SDK2: variants seen among roughly 807,000 people sequenced by gnomAD.
The protein encoded by SDK2 is protein sidekick-2.
A neutral mutation model predicts 253.9 loss-of-function variants in SDK2; 105 were observed. That is an observed-to-expected ratio of 0.41 (90% CI 0.35 to 0.49). SDK2 has a LOEUF of 0.49. SDK2 is among the 20% of genes least tolerant of loss of function. The probability of loss-of-function intolerance (pLI) is 0.06; values close to 1 mark genes in which losing one functional copy is unlikely to be tolerated. For missense variants in SDK2, 2,608 were observed against 3,003.0 expected (o/e 0.87, Z 3.07); for synonymous variants, 1,249 against 1,234.9 (o/e 1.01, Z -0.24).
In SDK2 at chr17:73,525,616, C is replaced by T. The variant is rs573602259; in HGVS notation, c.65-18019G>A. 2.2e-4 allele frequency among the ~76,000 whole-genome samples: 34 copies of T among 152,262 alleles called. 1 individual carries two copies. The highest frequency in any genetic ancestry group is 7.7e-4 in the African/African-American group (32 of 41,558). Reference sequence around the variant, plus strand: ...GGTGGCTCTCCTCACTGCACCACCACCTCCTCTGCCTCTTCTCAGATCAAT... The same window carrying T: ...GGTGGCTCTCCTCACTGCACCACCATCTCCTCTGCCTCTTCTCAGATCAAT... On this transcript the variant is annotated intron_variant, in intron 1 of 44. Transcript: ENST00000392650.
intron 12 of SDK2, among the ~76,000 whole-genome samples, chr17:73,426,255 C>G (rs372305277): frequency 1.2e-5 from 1 of 81,678 alleles, no homozygotes; most frequent in Non-Finnish European, 2.4e-5. Context: ...TTAGTAGAGA[C>G]GGGGCTTTGC....
At chr17:73,478,034 C>T (rs1471809708) in intron 2 of SDK2, among the ~76,000 whole-genome samples, 1 of 152,134 alleles carries the variant, frequency 6.6e-6, no homozygotes, top group African/African-American at 2.4e-5. Context: ...AGAAAAAGTA[C>T]ACAGCAAAAC....
At chr17:73,585,281 T>C (rs978828496) in intron 1 of SDK2, among the ~76,000 whole-genome samples, 4 of 152,174 alleles carry the variant, frequency 2.6e-5, no homozygotes, top group Non-Finnish European at 5.9e-5. Context: ...CTTCTCGTAG[T>C]GGGTGGCAGA....
intron 1 of SDK2, among the ~76,000 whole-genome samples, chr17:73,526,765 T>C (rs985947293): frequency 1.3e-5 from 2 of 152,228 alleles, no homozygotes; most frequent in South Asian, 2.1e-4. Flanking sequence ...AACCCACTTA[T>C]GTCTCCATCT....
At position 73,447,940 on chromosome 17, in the gene SDK2, A is replaced by G. The variant is rs2063465631; in HGVS notation, c.480-192T>C. ...CCACGTTTAGTTTGCAGAGAATGCTAAACACGGTGCTGATGCTGTCAACCA... is the reference window on the plus strand; with the variant it reads ...CCACGTTTAGTTTGCAGAGAATGCTGAACACGGTGCTGATGCTGTCAACCA... On this transcript the variant is annotated intron_variant, in intron 4 of 44. Transcript: ENST00000392650. This position sits in a 1 kb window ranked among gnomAD's most constrained non-coding sequence, Gnocchi z 4.0. Among the ~76,000 whole-genome samples, 1 of 152,006 alleles carries G rather than the reference A, an allele frequency of 6.6e-6. No homozygotes were observed. Among genetic ancestry groups the G allele is most frequent in the Non-Finnish European group, 1.5e-5 (1 of 67,986 alleles).
chr17:73,366,893 C>T (rs993680890), intron 37 of SDK2, among the ~76,000 whole-genome samples: 1 of 152,200 alleles, frequency 6.6e-6, no homozygotes, highest in African/African-American at 2.4e-5. Context: ...CTACTCTCTC[C>T]CCTCCACCAG....
chr17:73,553,143 A>G (rs1342219207), intron 1 of SDK2, among the ~76,000 whole-genome samples: 1 of 152,190 alleles, frequency 6.6e-6, no homozygotes, highest in Non-Finnish European at 1.5e-5. Context: ...CACTCTGGGC[A>G]TGGAGGTGGC....
At chr17:73,393,431 C>T (rs1195983922) in intron 27 of SDK2, 129 bp downstream of exon 27, 1 of 756,262 alleles carries the variant, frequency 1.3e-6, no homozygotes, top group Non-Finnish European at 2.0e-6. Context: ...TGACCCATCC[C>T]TACCGGAGGC....
chr17:73,491,772 G>A (rs753295211), intron 2 of SDK2, among the ~76,000 whole-genome samples: 1 of 152,146 alleles, frequency 6.6e-6, no homozygotes, highest in Non-Finnish European at 1.5e-5. Flanking sequence ...TCACCCTTGC[G>A]GGTGCCTTCA....
intron 5 of SDK2, among the ~76,000 whole-genome samples, chr17:73,441,949 C>T (rs561763392): frequency 2.0e-5 from 3 of 152,226 alleles, no homozygotes; most frequent in African/African-American, 7.2e-5. Flanking sequence ...TCATGAGGGC[C>T]AATGAGGGTC....
intron 36 of SDK2, among the ~76,000 whole-genome samples, chr17:73,374,174 T>C (rs2062758386): frequency 6.9e-6 from 1 of 145,076 alleles, no homozygotes; most frequent in Non-Finnish European, 1.5e-5. Flanking sequence ...TTTTGTTCTT[T>C]ATCTTTCCTT....
In SDK2 at chr17:73,542,190, G is replaced by C. The variant is rs370568180; in HGVS notation, c.65-34593C>G. Among the ~76,000 whole-genome samples the C allele has an allele frequency of 2.0e-4, 30 of 152,346 alleles. 1 individual carries two copies. The East Asian group carries it at 3.1e-3, about 16-fold the overall frequency. Reference sequence around the variant, plus strand: ...CCCTCTCTGGGGGCTGTGCCTCTCTGTCTGACCCTCCACGCTTCCCATCCC... The same window carrying C: ...CCCTCTCTGGGGGCTGTGCCTCTCTCTCTGACCCTCCACGCTTCCCATCCC... On this transcript the variant is annotated intron_variant, in intron 1 of 44. Coordinates refer to ENST00000392650, the MANE Select transcript of SDK2 (RefSeq NM_001144952.2).
intron 1 of SDK2, among the ~76,000 whole-genome samples, chr17:73,603,331 C>T (rs2045866337): frequency 6.6e-6 from 1 of 152,200 alleles, no homozygotes; most frequent in Admixed American, 6.5e-5. Context: ...GGCTGGCCCC[C>T]TGCGCTAGAG....
In SDK2 at chr17:73,398,359, G is replaced by A. The variant is rs1391026197; in HGVS notation, c.3164C>T (p.Ser1055Phe). The A allele has an allele frequency of 3.7e-6, 6 of 1,613,886 alleles. No homozygotes were observed. Among genetic ancestry groups the A allele is most frequent in the Non-Finnish European group, 5.1e-6 (6 of 1,179,878 alleles). Residue 1055 changes from serine to phenylalanine, a missense_variant, in exon 23 of 45, where the codon TCC (serine) becomes TTC (phenylalanine). Ser to Phe is a radical substitution (Grantham distance 155). Coordinates refer to ENST00000392650, the MANE Select transcript of SDK2 (RefSeq NM_001144952.2). ...HQLSNEPDAR[S>F]MEVPDLNPFT... ...GGGGTTGAGGTCGGGCACCTCCATGGAGCGGGCATCGGGCTCATTGGAGAG... is the reference window on the plus strand; with the variant it reads ...GGGGTTGAGGTCGGGCACCTCCATGAAGCGGGCATCGGGCTCATTGGAGAG...
Position 73,383,924 on chromosome 17 carries a change from T to C in SDK2, c.4657A>G (p.Thr1553Ala). 1 of 1,613,954 alleles carries C rather than the reference T, an allele frequency of 6.2e-7. No homozygotes were observed. The highest frequency in any genetic ancestry group is 8.5e-7 in the Non-Finnish European group (1 of 1,179,878). The change falls in exon 33 of 45, where the codon ACG becomes GCG. Residue 1553 changes from threonine to alanine, a missense_variant. Thr to Ala is a moderately conservative substitution (Grantham distance 58). Coordinates refer to ENST00000392650, the MANE Select transcript of SDK2 (RefSeq NM_001144952.2). This position sits in a 1 kb window ranked among gnomAD's most constrained non-coding sequence, Gnocchi z 4.3. Reference sequence around the variant, plus strand: ...CCTGGGTTGTTGATGCCTCGAAGCGTGAAGCCCCTCAGTCCTTCATAGAGC... The same window carrying C: ...CCTGGGTTGTTGATGCCTCGAAGCGCGAAGCCCCTCAGTCCTTCATAGAGC... Reference protein sequence around the residue: ...ELLYEGLRGFTLRGINNPGAT... With the variant: ...ELLYEGLRGFALRGINNPGAT...
chr17:73,630,910 T>C (rs371970912), intron 1 of SDK2, among the ~76,000 whole-genome samples: 4 of 152,044 alleles, frequency 2.6e-5, no homozygotes, highest in Admixed American at 2.0e-4. Context: ...TGTTCCTTCT[T>C]CTTGGTGGTT....
Position 73,401,170 on chromosome 17 carries a change from G to C in SDK2, c.2821C>G (p.Arg941Gly). The change falls in exon 21 of 45, where the codon CGT (arginine) becomes GGT (glycine). Residue 941 changes from arginine to glycine, a missense_variant. Around this residue, in one of 2 missense-constraint regions of SDK2, gnomAD observed 1,505 missense variants for 1,859.1 expected, o/e 0.81. Coordinates refer to ENST00000392650, the MANE Select transcript of SDK2 (RefSeq NM_001144952.2). ...ACGTTGGGCAGGTAGTGGGTCACAC[G>C]GGTGTTGGTTCGATTGTACTCCTCC... ...SWEEYNRTNTRVTHYLPNVTL... is the reference protein window; with the variant it reads ...SWEEYNRTNTGVTHYLPNVTL... 6.4e-7 allele frequency: 1 copy of C among 1,557,398 alleles called. No homozygotes were observed. Among genetic ancestry groups the C allele is most frequent in the Non-Finnish European group, 8.7e-7 (1 of 1,150,310 alleles).
intron 29 of SDK2, 129 bp from the exon 30 acceptor site, chr17:73,388,166 A>C: frequency 1.5e-6 from 1 of 671,620 alleles, no homozygotes; most frequent in Non-Finnish European, 2.6e-6. Flanking sequence ...TCCCAATTCC[A>C]TGCACGCAGG....
chr17:73,480,769 G>C (rs1386799405), intron 2 of SDK2, among the ~76,000 whole-genome samples: 1 of 152,148 alleles, frequency 6.6e-6, no homozygotes, highest in Non-Finnish European at 1.5e-5. Flanking sequence ...ACAGGGGACA[G>C]AGACAGAGAG....
Sources: allele counts gnomAD v4.1 joint callset (sites outside exome capture counted in the v4.1 genomes callset), GRCh38; gene constraint gnomAD v4.1.1; regional missense constraint gnomAD v4.1.1; non-coding constraint Gnocchi (gnomAD v3.1); transcripts MANE v1.5; gene names NCBI Gene and HGNC (gene_info 2026-07-23, HGNC 2026-07-21).